The following STPG1 variants were observed in gnomAD, a reference collection of about 807,000 sequenced individuals.
STPG1 encodes sperm tail PG-rich repeat containing 1, also known as O(6)-methylguanine-induced apoptosis 2.
In STPG1, 33 loss-of-function variants were observed where a neutral mutation model predicts 40.1. The ratio of observed to expected loss-of-function variants is 0.82; its 90% confidence interval spans 0.62 to 1.10. The LOEUF (loss-of-function observed/expected upper bound fraction) is 1.10. Ranked by LOEUF, STPG1 falls within the 50% of genes least tolerant of loss-of-function variation. The pLI is 0.00. For missense variants in STPG1, 396 were observed against 415.1 expected, an observed-to-expected ratio of 0.95 and a Z score of 0.40; for synonymous variants, 150 against 155.0, an observed-to-expected ratio of 0.97 and a Z score of 0.24.
chr1:24,392,777 T>C (rs1363887979), intron 2 of STPG1, among the ~76,000 whole-genome samples: 2 of 151,984 alleles, frequency 1.3e-5, no homozygotes, highest in African/African-American at 4.8e-5. Flanking sequence ...CCTGACTCTG[T>C]AGGCTGTTCA....
intron 8 of STPG1, 70 bp downstream of exon 8, chr1:24,360,781 T>C: frequency 7.1e-7 from 1 of 1,408,308 alleles, no homozygotes; most frequent in Non-Finnish European, 9.6e-7. Context: ...CAATGGCATT[T>C]GATGACCCAA....
At position 24,358,532 on chromosome 1, in the gene STPG1, G is replaced by T. The variant is rs371334407; in HGVS notation, c.*11C>A. On this transcript the variant is annotated 3_prime_UTR_variant, in exon 9 of 9. Coordinates refer to ENST00000337248, the MANE Select transcript of STPG1 (RefSeq NM_001199013.2). ...GGTGGCTGGAGTTCTCCTTGACCTT[G>T]TGTGACATCCCTACAGAACCGGGAT... The T allele has an allele frequency of 1.9e-6, 3 of 1,609,932 alleles. No homozygotes were observed. In the African/African-American group the frequency reaches 4.0e-5, roughly 21 times the overall value.
At position 24,357,829 on chromosome 1, in the gene STPG1, G is replaced by A. The variant is rs1056081881; in HGVS notation, c.*714C>T. Reference sequence around the variant, plus strand: ...GTGGACTCCATGGAAGGGCCTGTAAGCCTTGAGAAAATTCAGTCCCGCCAG... The same window carrying A: ...GTGGACTCCATGGAAGGGCCTGTAAACCTTGAGAAAATTCAGTCCCGCCAG... On this transcript the variant is annotated 3_prime_UTR_variant, in exon 9 of 9. Transcript: ENST00000337248. 1 of 297,834 alleles carries A rather than the reference G, an allele frequency of 3.4e-6. No individual in the cohort carries two copies. Among genetic ancestry groups the A allele is most frequent in the African/African-American group, 2.2e-5 (1 of 46,086 alleles). 18.4% of individuals were successfully genotyped at this position (297,834 alleles called of 1,614,324 possible).
chr1:24,380,226 G>A (rs1164402128), intron 4 of STPG1, among the ~76,000 whole-genome samples: 1 of 152,084 alleles, frequency 6.6e-6, no homozygotes, highest in African/African-American at 2.4e-5. Context: ...TGTTTCTAAG[G>A]TTAAATGATC....
intron 1 of STPG1, among the ~76,000 whole-genome samples, chr1:24,409,159 T>A (rs1169677010): frequency 6.6e-6 from 1 of 152,108 alleles, no homozygotes; most frequent in Admixed American, 6.6e-5. Context: ...CTTGAGCTCA[T>A]GACCAGCCTG....
chr1:24,382,913 T>C (rs553511625), intron 4 of STPG1, among the ~76,000 whole-genome samples: 2 of 134,078 alleles, frequency 1.5e-5, no homozygotes, highest in East Asian at 4.4e-4. Flanking sequence ...TTGCTTTCTT[T>C]TCACTTTTTT....
At chr1:24,395,587 C>A (rs190301785) in intron 2 of STPG1, among the ~76,000 whole-genome samples, 1,632 of 151,906 alleles carry the variant, frequency 0.011, 27 homozygotes, top group African/African-American at 0.037. Flanking sequence ...CGCCCGCCAC[C>A]GCGCCCGGCT....
chr1:24,373,669 T>C (rs746710323), intron 6 of STPG1, 33 bp downstream of exon 6: 11 of 1,441,562 alleles, frequency 7.6e-6, no homozygotes, highest in Non-Finnish European at 1.1e-5. Context: ...CACTTAACCC[T>C]TAGGTCAAGG....
At chr1:24,364,814 GA>G (rs1641351423) in intron 7 of STPG1, among the ~76,000 whole-genome samples, 1 of 152,206 alleles carries the variant, frequency 6.6e-6, no homozygotes. Context: ...CTGCCCCGTG[GA>G]AAGAAAACAT....
intron 3 of STPG1, among the ~76,000 whole-genome samples, chr1:24,385,195 G>A (rs1642453816): frequency 6.6e-6 from 1 of 152,214 alleles, no homozygotes; most frequent in African/African-American, 2.4e-5. Context: ...TGGGCAGTGT[G>A]TAATTATGGT....
At chr1:24,403,761 G>A (rs1485170288) in intron 1 of STPG1, among the ~76,000 whole-genome samples, 1 of 151,762 alleles carries the variant, frequency 6.6e-6, no homozygotes, top group South Asian at 2.1e-4. Flanking sequence ...GTTTATTGCT[G>A]GTATAGAGAA....
intron 3 of STPG1, among the ~76,000 whole-genome samples, chr1:24,386,468 G>A (rs955393712): frequency 2.6e-5 from 4 of 152,230 alleles, no homozygotes; most frequent in Non-Finnish European, 5.9e-5. Context: ...ATTCCAAAAT[G>A]TTGCTGCTGG....
chr1:24,361,859 G>A (rs778357961), intron 7 of STPG1, among the ~76,000 whole-genome samples: 6 of 152,164 alleles, frequency 3.9e-5, no homozygotes, highest in African/African-American at 7.2e-5. Flanking sequence ...AAAAGGAAGG[G>A]GTTGGACAAG....
At position 24,361,055 on chromosome 1, in the gene STPG1, A is replaced by G. The variant is rs926445672; in HGVS notation, c.738-14T>C. 1 of 1,597,574 alleles carries G rather than the reference A, an allele frequency of 6.3e-7. No homozygotes were observed. The highest frequency in any genetic ancestry group is 1.7e-5 in the Admixed American group (1 of 58,040). ...ATGGGGTTTTTCCTTTGGGAAAGAT[A>G]AAACGGGAAGATGTCACTAAGGCAG... is the stretch of plus-strand genomic sequence containing the variant. On this transcript the variant is annotated splice_polypyrimidine_tract_variant and intron_variant, in intron 7 of 8. Transcript: ENST00000337248.
rs1325285519 is a variant in STPG1 at position 24,359,874 on chromosome 1, C to T, written c.928+977G>A. Among the ~76,000 whole-genome samples, 3 of 152,182 alleles carry T rather than the reference C, an allele frequency of 2.0e-5. No individual in the cohort carries two copies. Among genetic ancestry groups the T allele is most frequent in the Non-Finnish European group, 4.4e-5 (3 of 68,034 alleles). On this transcript the variant is annotated intron_variant, in intron 8 of 8. Transcript: ENST00000337248. The surrounding 1 kb of genome is among the most constrained non-coding windows in gnomAD (Gnocchi z 5.3). ...AGAGGCCGCCCACTGGACTGAGTCC[C>T]TCATGATATTAGCTCCCAGGTAGAT...
intron 6 of STPG1, among the ~76,000 whole-genome samples, chr1:24,370,733 C>T (rs1202517030): frequency 6.6e-5 from 10 of 151,874 alleles, no homozygotes; most frequent in East Asian, 1.9e-4. Flanking sequence ...CCTCGTGATC[C>T]GCCTGCCTCG....
chr1:24,384,112 G>A (rs1296352443), intron 3 of STPG1, 109 bp from the exon 4 acceptor site: 1 of 677,232 alleles, frequency 1.5e-6, no homozygotes, highest in African/African-American at 1.8e-5. Flanking sequence ...CACAGCACAG[G>A]CGCTACCACC....
Position 24,357,948 on chromosome 1 carries a change from T to G in STPG1, c.*595A>C. 3.0e-6 allele frequency: 1 copy of G among 335,648 alleles called. No individual in the cohort carries two copies. Among genetic ancestry groups the G allele is most frequent in the Non-Finnish European group, 5.9e-6 (1 of 169,012 alleles). 20.8% of individuals were successfully genotyped at this position (335,648 alleles called of 1,614,324 possible). A position where few individuals can be genotyped will look rare whatever the true frequency, so the allele number is the denominator to read the frequency against. On this transcript the variant is annotated 3_prime_UTR_variant, in exon 9 of 9. Transcript: ENST00000337248. ...CAAAGAGAAAAAGGTCTAAAAGGAG[T>G]AAAGAGAGGTCTTTCCAAACAGGTG...
intron 3 of STPG1, 37 bp downstream of exon 3, chr1:24,391,524 G>C: frequency 1.5e-6 from 2 of 1,320,196 alleles, no homozygotes; most frequent in East Asian, 2.5e-5. Context: ...CTAAAATCCA[G>C]ACTAAAACGA....
Sources: allele counts gnomAD v4.1 joint callset (sites outside exome capture counted in the v4.1 genomes callset), GRCh38; gene constraint gnomAD v4.1.1; non-coding constraint Gnocchi (gnomAD v3.1); transcripts MANE v1.5; gene names NCBI Gene and HGNC (gene_info 2026-07-23, HGNC 2026-07-21).